GAN: variants seen among roughly 807,000 people sequenced by gnomAD.
GAN encodes the protein gigaxonin.
Under a neutral mutation model 71.3 loss-of-function variants are expected in GAN, and 48 were observed. The ratio of observed to expected loss-of-function variants is 0.67; its 90% CI spans 0.53 to 0.86. GAN has a LOEUF of 0.86. GAN is among the 40% of genes least tolerant of loss of function. The pLI, the probability that GAN is intolerant of heterozygous loss-of-function variation, is 0.00. For missense variants in GAN, 928 were observed against 770.1 expected, an observed-to-expected ratio of 1.21 and a Z score of -2.43; for synonymous variants, 386 against 276.8, an observed-to-expected ratio of 1.39 and a Z score of -3.92.
At chr16:81,376,048 G>C (rs1009177146) in intron 9 of GAN, among the ~76,000 whole-genome samples, 11 of 151,810 alleles carry the variant, frequency 7.2e-5, no homozygotes, top group Non-Finnish European at 1.6e-4. Context: ...TGGTCTTCAG[G>C]GAAGTATACG....
chr16:81,331,744 A>C (rs1909584679), intron 1 of GAN, among the ~76,000 whole-genome samples: 1 of 152,194 alleles, frequency 6.6e-6, no homozygotes. Flanking sequence ...TACAATATAG[A>C]GCAAATCTCT....
chr16:81,368,071 T>G (rs1910919063), intron 9 of GAN, among the ~76,000 whole-genome samples: 2 of 152,220 alleles, frequency 1.3e-5, no homozygotes, highest in Admixed American at 1.3e-4. Flanking sequence ...CTTTCCTGTC[T>G]TTGTTCCCTA....
intron 1 of GAN, among the ~76,000 whole-genome samples, chr16:81,331,077 C>A (rs1909560548): frequency 6.6e-6 from 1 of 152,132 alleles, no homozygotes; most frequent in South Asian, 2.1e-4. Flanking sequence ...TGGTGGCGCA[C>A]ACCTGTAGTC....
intron 1 of GAN, among the ~76,000 whole-genome samples, chr16:81,324,407 T>C (rs1296562850): frequency 1.3e-5 from 2 of 151,934 alleles, no homozygotes; most frequent in African/African-American, 2.4e-5. Flanking sequence ...GGTGGTGCCA[T>C]TGAAACTGAG....
Position 81,389,707 on chromosome 16 carries a change from A to C in GAN, c.*12111A>C, listed in dbSNP as rs1904508933. The C allele has an allele frequency of 6.6e-6, 1 of 152,218 alleles. No individual in the cohort carries two copies. Among genetic ancestry groups the C allele is most frequent in the Non-Finnish European group, 1.5e-5 (1 of 68,040 alleles). The allele number at this position is 152,218 out of a possible 1,614,324, so 9.4% of individuals were successfully genotyped here. On this transcript the variant is annotated 3_prime_UTR_variant, in exon 11 of 11. Transcript: ENST00000648994. ...AAGAGAACTATCAAGGAAATTCCTG[A>C]AAACAAGATTTGTAAATTCGATTTG...
intron 1 of GAN, among the ~76,000 whole-genome samples, chr16:81,327,820 A>C (rs1312816652): frequency 6.6e-6 from 1 of 151,256 alleles, no homozygotes; most frequent in Non-Finnish European, 1.5e-5. Flanking sequence ...CTTATTCTTG[A>C]GATGCTCATT....
intron 1 of GAN, among the ~76,000 whole-genome samples, chr16:81,339,943 G>A (rs1909887067): frequency 6.6e-6 from 1 of 152,166 alleles, no homozygotes; most frequent in African/African-American, 2.4e-5. Context: ...GACTTCAAGT[G>A]TACAGCAATT....
At chr16:81,371,848 T>G (rs1001314396) in intron 9 of GAN, 1 of 152,218 alleles carries the variant, frequency 6.6e-6, no homozygotes, top group Non-Finnish European at 1.5e-5. Flanking sequence ...CAATTAACTT[T>G]CCATTTCTTT....
intron 2 of GAN, among the ~76,000 whole-genome samples, chr16:81,353,123 C>G (rs1910355264): frequency 6.6e-6 from 1 of 151,992 alleles, no homozygotes; most frequent in South Asian, 2.1e-4. Context: ...AACCCCGTCT[C>G]TACTAAAAAT....
chr16:81,322,743 G>A (rs9940292), intron 1 of GAN, among the ~76,000 whole-genome samples: 143,910 of 152,276 alleles, frequency 0.95, 68,040 homozygotes, highest in Middle Eastern at 0.98. Context: ...TCAGTAACCA[G>A]TTGCCTACAC....
At position 81,386,489 on chromosome 16, in the gene GAN, A is replaced by G. The variant is rs1290117196; in HGVS notation, c.*8893A>G. 6.6e-6 allele frequency: 1 copy of G among 152,284 alleles called. No homozygotes were observed. Among genetic ancestry groups the G allele is most frequent in the Non-Finnish European group, 1.5e-5 (1 of 68,058 alleles). 9.4% of individuals were successfully genotyped at this position (152,284 alleles called of 1,614,324 possible). ...CTTTGCATAAAGAAGGTTATTTAAC[A>G]AAGTGGTACAAACAGTGAACTACTT... On this transcript the variant is annotated 3_prime_UTR_variant, in exon 11 of 11. Coordinates refer to ENST00000648994, the MANE Select transcript of GAN (RefSeq NM_022041.4).
rs977644836 is a variant in GAN at position 81,382,823 on chromosome 16, G to C, written c.*5227G>C. 4.6e-5 allele frequency: 7 copies of C among 152,118 alleles called. No homozygotes were observed. The highest frequency in any genetic ancestry group is 3.4e-3 in the Middle Eastern group (1 of 294). The allele number at this position is 152,118 out of a possible 1,614,324, so 9.4% of individuals were successfully genotyped here. ...TGGTAAAGTTTTGTGTTTTTCAGAA[G>C]GAACCCTATTATTATTTCCATTTTA... On this transcript the variant is annotated 3_prime_UTR_variant, in exon 11 of 11. Coordinates refer to ENST00000648994, the MANE Select transcript of GAN (RefSeq NM_022041.4).
chr16:81,371,866 C>G (rs1911046623), intron 9 of GAN: 1 of 152,228 alleles, frequency 6.6e-6, no homozygotes, highest in African/African-American at 2.4e-5. Context: ...TTTCCAGAAT[C>G]TACCTGCTTT....
At position 81,382,918 on chromosome 16, in the gene GAN, C is replaced by G. The variant is rs537290328; in HGVS notation, c.*5322C>G. ...ACATCTGAGGAATTAAATCATACTTCCAGATGGTTTGGTCTAATGTATACA... is the reference window on the plus strand; with the variant it reads ...ACATCTGAGGAATTAAATCATACTTGCAGATGGTTTGGTCTAATGTATACA... On this transcript the variant is annotated 3_prime_UTR_variant, in exon 11 of 11. Transcript: ENST00000648994. The G allele has an allele frequency of 6.6e-6, 1 of 152,224 alleles. No individual in the cohort carries two copies. The highest frequency in any genetic ancestry group is 2.1e-4 in the South Asian group (1 of 4,808). 9.4% of individuals were successfully genotyped at this position (152,224 alleles called of 1,614,324 possible).
chr16:81,362,241 C>T (rs187767262), intron 5 of GAN, among the ~76,000 whole-genome samples: 2 of 152,234 alleles, frequency 1.3e-5, no homozygotes, highest in Non-Finnish European at 2.9e-5. Context: ...GGTGACTGAG[C>T]GGGTGACGCC....
chr16:81,319,415 C>A (rs141192564), intron 1 of GAN, among the ~76,000 whole-genome samples: 1 of 151,922 alleles, frequency 6.6e-6, no homozygotes, highest in Non-Finnish European at 1.5e-5. Flanking sequence ...GGCACAGTCC[C>A]ATTGATCTGA....
intron 1 of GAN, among the ~76,000 whole-genome samples, chr16:81,331,939 G>A (rs1292156529): frequency 2.0e-5 from 3 of 152,018 alleles, no homozygotes; most frequent in Admixed American, 6.5e-5. Flanking sequence ...AAGGCGGGCG[G>A]ATCACCTGAG....
intron 3 of GAN, among the ~76,000 whole-genome samples, 164 bp from the exon 4 acceptor site, chr16:81,356,617 CAGTT>C (rs1252325762): frequency 6.6e-5 from 10 of 152,242 alleles, no homozygotes; most frequent in African/African-American, 1.7e-4. Flanking sequence ...GGGAAGTAGA[CAGTT>C]AGGGCCAGGA....
chr16:81,333,952 C>T (rs1377810474), intron 1 of GAN, among the ~76,000 whole-genome samples: 2 of 152,210 alleles, frequency 1.3e-5, no homozygotes, highest in African/African-American at 4.8e-5. Context: ...CAAACACATG[C>T]ACACTCTGCA....
Sources: gnomAD v4.1 joint callset for allele counts (sites outside exome capture counted in the v4.1 genomes callset) on GRCh38, gnomAD v4.1.1 for gene constraint, MANE v1.5 for transcripts, NCBI Gene and HGNC (gene_info 2026-07-23, HGNC 2026-07-21) for gene names.